The following TSHZ3 variants were observed in gnomAD, a reference collection of about 807,000 sequenced individuals.
TSHZ3 encodes the protein teashirt zinc finger homeobox 3.
In TSHZ3, 10 loss-of-function variants were observed where a neutral mutation model predicts 64.5. That is an observed-to-expected ratio of 0.16 (90% CI 0.10 to 0.26). The LOEUF (loss-of-function observed/expected upper bound fraction) is 0.26, where lower values mean the gene tolerates loss of function less well. Ranked by LOEUF, TSHZ3 falls within the 10% of genes least tolerant of loss-of-function variation. The pLI is 1.00. For synonymous variants in TSHZ3, 608 were observed against 593.1 expected (o/e 1.03, Z -0.36); for missense variants, 1,242 against 1,421.7 (o/e 0.87, Z 2.03).
At chr19:31,228,699 A>G (rs11880563) in intron 3 of TSHZ3, among the ~76,000 whole-genome samples, 56,596 of 151,968 alleles carry the variant, frequency 0.37, 14,505 homozygotes, top group African/African-American at 0.72. Context: ...CTTCCCATGG[A>G]CAGATTGCAG....
intron 1 of TSHZ3, among the ~76,000 whole-genome samples, chr19:31,335,082 C>T (rs760700465): frequency 1.3e-5 from 2 of 152,172 alleles, no homozygotes; most frequent in African/African-American, 4.8e-5. Flanking sequence ...CTCTTCTTCA[C>T]CCATTGCTTG....
At chr19:31,247,649 T>C (rs1222497432) in intron 1 of TSHZ3, among the ~76,000 whole-genome samples, 3 of 152,150 alleles carry the variant, frequency 2.0e-5, no homozygotes, top group Non-Finnish European at 2.9e-5. Context: ...ATCAGCCCCA[T>C]CAGAACAAAA....
intron 3 of TSHZ3, among the ~76,000 whole-genome samples, chr19:31,228,807 AG>A (rs1231503057): frequency 6.6e-6 from 1 of 152,196 alleles, no homozygotes; most frequent in African/African-American, 2.4e-5. Context: ...CAGTGACTGC[AG>A]GGTCATTTGT....
chr19:31,309,948 T>C (rs1408866191), intron 1 of TSHZ3, among the ~76,000 whole-genome samples: 1 of 152,214 alleles, frequency 6.6e-6, no homozygotes, highest in African/African-American at 2.4e-5. Context: ...TTGGTGTCCC[T>C]GGCACCTGCC....
At chr19:31,323,917 C>CACACAA in intron 1 of TSHZ3, among the ~76,000 whole-genome samples, 1 of 143,772 alleles carries the variant, frequency 7.0e-6, no homozygotes, top group Non-Finnish European at 1.5e-5. Flanking sequence ...CACACACACA[C>CACACAA]AGTGCATTGC....
Position 31,239,109 on chromosome 19 carries a change from C to T in TSHZ3, n.550+3160G>A, listed in dbSNP as rs140055016. Among the ~76,000 whole-genome samples, 41 of 152,164 alleles carry T rather than the reference C, an allele frequency of 2.7e-4. No individual in the cohort carries two copies. In the East Asian group the frequency reaches 7.9e-3, roughly 29 times the overall value. Reference sequence around the variant, plus strand: ...ATTTATAGTCAATATTATACCTCTTCACATTTCACACTTCCCTTCTGATAC... The same window carrying T: ...ATTTATAGTCAATATTATACCTCTTTACATTTCACACTTCCCTTCTGATAC... On this transcript the variant is annotated intron_variant and non_coding_transcript_variant, in intron 3 of 6. Transcript: ENST00000651361.
At chr19:31,338,276 C>A (rs1356236739) in intron 1 of TSHZ3, among the ~76,000 whole-genome samples, 2 of 152,148 alleles carry the variant, frequency 1.3e-5, no homozygotes, top group Non-Finnish European at 2.9e-5. Context: ...GTGCACACAG[C>A]TCAAGGGTGC....
intron 5 of TSHZ3, among the ~76,000 whole-genome samples, chr19:31,189,363 A>G (rs1015489938): frequency 1.3e-5 from 2 of 152,040 alleles, no homozygotes; most frequent in East Asian, 3.9e-4. Flanking sequence ...TTTCTAATAT[A>G]AACTTTTAAG....
Position 31,256,625 on chromosome 19 carries a change from T to C in TSHZ3, n.64-13750A>G, listed in dbSNP as rs181038871. 1.8e-4 allele frequency among the ~76,000 whole-genome samples: 27 copies of C among 152,336 alleles called. No individual in the cohort carries two copies. In the East Asian group the frequency reaches 3.9e-3, roughly 22 times the overall value. The stretch of plus-strand genomic sequence containing the variant: ...TATGCCTTCATTTTCCATTCATTCA[T>C]TATTTCTTGGTTATCTACCATGTGC... On this transcript the variant is annotated intron_variant and non_coding_transcript_variant, in intron 1 of 6. Coordinates refer to the TSHZ3 transcript ENST00000651361.
At chr19:31,153,851 C>T (rs989034397) in intron 6 of TSHZ3, among the ~76,000 whole-genome samples, 13 of 152,146 alleles carry the variant, frequency 8.5e-5, no homozygotes, top group African/African-American at 2.7e-4. Context: ...AAAGAGATTA[C>T]AAAAATATCA....
chr19:31,236,242 T>C (rs1975612666), intron 3 of TSHZ3, among the ~76,000 whole-genome samples: 1 of 152,226 alleles, frequency 6.6e-6, no homozygotes, highest in African/African-American at 2.4e-5. Flanking sequence ...CTGTACCATT[T>C]ACATTCACAC....
chr19:31,160,776 A>G (rs1291395948), intron 5 of TSHZ3, among the ~76,000 whole-genome samples: 1 of 152,092 alleles, frequency 6.6e-6, no homozygotes, highest in African/African-American at 2.4e-5. Flanking sequence ...ATACACACAT[A>G]CACATACACA....
At chr19:31,217,696 G>A (rs910818572) in intron 4 of TSHZ3, among the ~76,000 whole-genome samples, 1 of 152,152 alleles carries the variant, frequency 6.6e-6, no homozygotes, top group East Asian at 1.9e-4. Flanking sequence ...CGCTCTTGGT[G>A]TTGTGCATTC....
intron 1 of TSHZ3, among the ~76,000 whole-genome samples, chr19:31,284,492 G>A (rs1034669256): frequency 6.6e-6 from 1 of 152,116 alleles, no homozygotes; most frequent in African/African-American, 2.4e-5. Context: ...AAGCAGCCCT[G>A]AAGGAAGGGA....
At chr19:31,333,782 G>A (rs1434912421) in intron 1 of TSHZ3, among the ~76,000 whole-genome samples, 4 of 152,060 alleles carry the variant, frequency 2.6e-5, no homozygotes, top group African/African-American at 9.7e-5. Flanking sequence ...TGGCCAGCGC[G>A]TTCCCGTTAA....
At chr19:31,156,975 A>T (rs962122216) in intron 5 of TSHZ3, among the ~76,000 whole-genome samples, 2 of 152,204 alleles carry the variant, frequency 1.3e-5, no homozygotes, top group Non-Finnish European at 2.9e-5. Flanking sequence ...TGCAGCAGCG[A>T]TGAGACTGAA....
At chr19:31,178,179 T>G (rs1311327031) in intron 5 of TSHZ3, among the ~76,000 whole-genome samples, 1 of 152,330 alleles carries the variant, frequency 6.6e-6, no homozygotes, top group East Asian at 1.9e-4. Context: ...TCTTTTTGTT[T>G]AATTGAACAA....
At chr19:31,321,324 T>C (rs931963791) in intron 1 of TSHZ3, among the ~76,000 whole-genome samples, 1 of 152,246 alleles carries the variant, frequency 6.6e-6, no homozygotes, top group Non-Finnish European at 1.5e-5. Context: ...CGCTGCTCAC[T>C]GGCCCGCCAA....
intron 5 of TSHZ3, among the ~76,000 whole-genome samples, chr19:31,171,219 T>C (rs928331888): frequency 4.6e-5 from 7 of 152,134 alleles, no homozygotes; most frequent in Non-Finnish European, 1.0e-4. Flanking sequence ...TGTTTGCCAT[T>C]GTCCTGCTCT....
Sources: allele counts gnomAD v4.1 joint callset (sites outside exome capture counted in the v4.1 genomes callset), GRCh38; gene constraint gnomAD v4.1.1; transcripts MANE v1.5; gene names NCBI Gene and HGNC (gene_info 2026-07-23, HGNC 2026-07-21).